ADAMTS19: variants seen among roughly 807,000 people sequenced by gnomAD.
ADAMTS19 encodes A disintegrin and metalloproteinase with thrombospondin motifs 19.
In ADAMTS19, 93 loss-of-function variants were observed where a neutral mutation model predicts 153.3. That is an observed-to-expected ratio of 0.61 (90% confidence interval 0.51 to 0.72). The LOEUF (loss-of-function observed/expected upper bound fraction) is 0.72, where lower values mean the gene tolerates loss of function less well. Among genes scored for constraint, ADAMTS19 ranks in the 30% least tolerant of loss-of-function variants. The probability of loss-of-function intolerance (pLI) is 0.00; values close to 1 mark genes in which losing one functional copy is unlikely to be tolerated. For synonymous variants in ADAMTS19, 600 were observed against 556.6 expected (o/e 1.08, Z -1.10); for missense variants, 1,482 against 1,552.1 (o/e 0.95, Z 0.76).
intron 10 of ADAMTS19, among the ~76,000 whole-genome samples, chr5:129,638,867 A>T (rs1185170447): frequency 1.3e-5 from 2 of 152,180 alleles, no homozygotes; most frequent in African/African-American, 4.8e-5. Context: ...GGCACAGGTT[A>T]GCTCTGAAGA....
chr5:129,648,455 A>C (rs1753164956), intron 12 of ADAMTS19, among the ~76,000 whole-genome samples: 1 of 152,124 alleles, frequency 6.6e-6, no homozygotes, highest in Non-Finnish European at 1.5e-5. Flanking sequence ...TTATGTAAAA[A>C]CACCTCCTTA....
At chr5:129,499,205 A>G (rs560486182) in intron 2 of ADAMTS19, among the ~76,000 whole-genome samples, 59 of 152,214 alleles carry the variant, frequency 3.9e-4, no homozygotes, top group Non-Finnish European at 8.2e-4. Context: ...ATGTAACAAG[A>G]TTACAGTAAG....
chr5:129,676,202 T>A (rs972809578), intron 16 of ADAMTS19, among the ~76,000 whole-genome samples: 7 of 152,180 alleles, frequency 4.6e-5, no homozygotes, highest in African/African-American at 1.7e-4. Flanking sequence ...ATATTATGAA[T>A]GTGACATTGC....
At chr5:129,538,132 T>C (rs997664299) in intron 6 of ADAMTS19, among the ~76,000 whole-genome samples, 3 of 152,090 alleles carry the variant, frequency 2.0e-5, no homozygotes, top group Admixed American at 2.0e-4. Flanking sequence ...AAGAAGACGA[T>C]AATCATAATT....
At chr5:129,694,254 T>A (rs1755459382) in intron 18 of ADAMTS19, among the ~76,000 whole-genome samples, 1 of 152,184 alleles carries the variant, frequency 6.6e-6, no homozygotes, top group Non-Finnish European at 1.5e-5. Context: ...ATGTAAATTA[T>A]AAATAATATC....
intron 21 of ADAMTS19, among the ~76,000 whole-genome samples, chr5:129,714,210 G>A (rs1371337951): frequency 6.6e-6 from 1 of 151,652 alleles, no homozygotes; most frequent in Non-Finnish European, 1.5e-5. Context: ...ATGAGGTCAG[G>A]AGATCGAGAC....
At chr5:129,650,657 T>C (rs936153847) in intron 13 of ADAMTS19, among the ~76,000 whole-genome samples, 1 of 152,196 alleles carries the variant, frequency 6.6e-6, no homozygotes, top group Non-Finnish European at 1.5e-5. Context: ...CATCTTCCTC[T>C]TTCAGCTATC....
rs1336707622 is a variant in ADAMTS19, at chr5:129,541,532, G to T, written c.1329-10332G>T. Among the ~76,000 whole-genome samples, 3 of 151,874 alleles carry T rather than the reference G, an allele frequency of 2.0e-5. No individual in the cohort carries two copies. The South Asian group carries it at 6.2e-4, about 32-fold the overall frequency. ...TTTTATTCAGTATCATCTGTTTTGG[G>T]TGTTTCCTTCTCCATTTGTTTGCTG... On this transcript the variant is annotated intron_variant, in intron 6 of 22. Transcript: ENST00000274487.
intron 7 of ADAMTS19, among the ~76,000 whole-genome samples, chr5:129,563,287 G>T (rs376663887): frequency 1.3e-4 from 19 of 151,996 alleles, no homozygotes; most frequent in Middle Eastern, 3.2e-3. Flanking sequence ...AATTATTGAG[G>T]TCATCTTTTT....
chr5:129,522,332 C>CACATATATATATATATAT (rs1309115957), intron 3 of ADAMTS19, among the ~76,000 whole-genome samples: 11 of 58,610 alleles, frequency 1.9e-4, no homozygotes, highest in Non-Finnish European at 2.5e-4. Flanking sequence ...CACACACACA[C>CACATATATATATATATAT]ATATATATAT....
At chr5:129,471,376 A>T (rs1750059564) in intron 2 of ADAMTS19, among the ~76,000 whole-genome samples, 1 of 151,342 alleles carries the variant, frequency 6.6e-6, no homozygotes, top group Admixed American at 6.6e-5. Context: ...AAAAGAATGA[A>T]AGAAAGACAG....
intron 8 of ADAMTS19, among the ~76,000 whole-genome samples, chr5:129,606,379 T>C (rs148258826): frequency 1.1e-4 from 17 of 152,342 alleles, no homozygotes; most frequent in African/African-American, 3.8e-4. Flanking sequence ...CATCTTTAAC[T>C]CTTTCTCCCC....
intron 2 of ADAMTS19, among the ~76,000 whole-genome samples, chr5:129,486,140 C>G (rs1236898790): frequency 6.6e-6 from 1 of 152,020 alleles, no homozygotes; most frequent in Non-Finnish European, 1.5e-5. Flanking sequence ...CATTCCAGAC[C>G]CAAATGACTT....
intron 3 of ADAMTS19, among the ~76,000 whole-genome samples, chr5:129,511,715 G>A (rs1192217267): frequency 1.3e-5 from 2 of 151,250 alleles, no homozygotes; most frequent in African/African-American, 4.9e-5. Context: ...ACAGAGTCCA[G>A]GTTGAGATAA....
intron 8 of ADAMTS19, among the ~76,000 whole-genome samples, chr5:129,609,887 T>C (rs187574703): frequency 6.6e-6 from 1 of 152,262 alleles, no homozygotes; most frequent in East Asian, 1.9e-4. Flanking sequence ...ATCTATTAAC[T>C]TTTTCATGTC....
At chr5:129,532,467 T>A (rs951510356) in intron 6 of ADAMTS19, among the ~76,000 whole-genome samples, 3 of 152,154 alleles carry the variant, frequency 2.0e-5, no homozygotes, top group African/African-American at 7.2e-5. Context: ...ATGGTGAGGA[T>A]ATGGAACACT....
intron 16 of ADAMTS19, among the ~76,000 whole-genome samples, chr5:129,666,931 A>T (rs1344968315): frequency 6.6e-6 from 1 of 152,204 alleles, no homozygotes; most frequent in African/African-American, 2.4e-5. Context: ...TCTAAATTAT[A>T]ATATGGGTTT....
Position 129,578,118 on chromosome 5 carries a change from G to T in ADAMTS19, c.1373-18441G>T. ...CATACATATACATATGCATGTATAT[G>T]TACGTATACGTACATATACCTATAT... On this transcript the variant is annotated intron_variant, in intron 7 of 22. Coordinates refer to ENST00000274487, the MANE Select transcript of ADAMTS19 (RefSeq NM_133638.6). Among the ~76,000 whole-genome samples the T allele has an allele frequency of 1.7e-5, 2 of 114,424 alleles. 1 individual carries two copies. Among genetic ancestry groups the T allele is most frequent in the Non-Finnish European group, 3.7e-5 (2 of 54,610 alleles). 75.1% of individuals were successfully genotyped at this position (114,424 alleles called of 152,430 possible).
intron 19 of ADAMTS19, among the ~76,000 whole-genome samples, chr5:129,699,896 C>T (rs1230527769): frequency 6.6e-6 from 1 of 152,014 alleles, no homozygotes; most frequent in Non-Finnish European, 1.5e-5. Flanking sequence ...TATTGTATAT[C>T]AGGAAATAAT....
Sources: allele counts gnomAD v4.1 joint callset (sites outside exome capture counted in the v4.1 genomes callset), GRCh38; gene constraint gnomAD v4.1.1; transcripts MANE v1.5; gene names NCBI Gene and HGNC (gene_info 2026-07-23, HGNC 2026-07-21).